Variants in LPIN1 observed in about 807,000 individuals in gnomAD.
LPIN1 encodes the protein lipin 1.
Under a neutral mutation model 107.5 loss-of-function variants are expected in LPIN1, and 71 were observed. The ratio of observed to expected loss-of-function variants is 0.66; its 90% CI spans 0.55 to 0.80. The LOEUF (loss-of-function observed/expected upper bound fraction) is 0.80, where lower values mean the gene tolerates loss of function less well. Among genes scored for constraint, LPIN1 ranks in the 30% least tolerant of loss-of-function variants. The pLI is 0.00. For missense variants in LPIN1, 1,043 were observed against 1,160.6 expected (o/e 0.90, Z 1.47); for synonymous variants, 445 against 452.6 (o/e 0.98, Z 0.21).
upstream of LPIN1, chr2:11,746,624 CGGGCT>C (rs1247279482): frequency 2.0e-6 from 2 of 985,208 alleles, no homozygotes; most frequent in African/African-American, 3.5e-5. Flanking sequence ...CAGCCGGCGG[CGGGCT>C]GGGTGTTTGC....
intron 1 of LPIN1, among the ~76,000 whole-genome samples, chr2:11,709,688 C>A (rs1663309809): frequency 6.6e-6 from 1 of 152,230 alleles, no homozygotes; most frequent in African/African-American, 2.4e-5. Flanking sequence ...TGTTACCCTG[C>A]TTTTACAAAA....
intron 17 of LPIN1, among the ~76,000 whole-genome samples, chr2:11,807,596 C>G (rs1678930399): frequency 1.3e-5 from 2 of 150,688 alleles, no homozygotes; most frequent in Non-Finnish European, 2.9e-5. Flanking sequence ...GTGTGGCTTA[C>G]TGAAGAACCC....
intron 1 of LPIN1, among the ~76,000 whole-genome samples, chr2:11,700,960 G>C (rs552389978): frequency 4.6e-5 from 7 of 152,296 alleles, no homozygotes; most frequent in African/African-American, 1.7e-4. Flanking sequence ...GGAGCCCTCA[G>C]TTCTCAGCTC....
chr2:11,771,512 C>A lies in LPIN1; in HGVS notation c.429C>A (p.Ser143Arg). ...PSTPAQVIAP[S>R]ETPSSSSVVK... The stretch of plus-strand genomic sequence containing the variant: ...CGCCAGCCCAAGTGATCGCTCCCAG[C>A]GAGACGCCGTCAAGCAGCTCTGTAG... The change falls in exon 4 of 21, where the codon AGC (serine) becomes AGA (arginine). Residue 143 changes from serine (S) to arginine (R), a missense_variant. By Grantham distance (110) the Ser-to-Arg change is moderately radical (BLOSUM62 -1). Transcript: ENST00000674199. The surrounding 1 kb of genome is among the most constrained non-coding windows in gnomAD (Gnocchi z 4.8). 1 of 1,614,100 alleles carries A rather than the reference C, an allele frequency of 6.2e-7. No individual in the cohort carries two copies. The highest frequency in any genetic ancestry group is 1.1e-5 in the South Asian group (1 of 91,052).
At chr2:11,784,619 G>A in intron 9 of LPIN1, 1 of 542,380 alleles carries the variant, frequency 1.8e-6, no homozygotes, top group Non-Finnish European at 3.3e-6. Flanking sequence ...GAAGGGCAGG[G>A]AACAGGGAGG....
At chr2:11,814,553 T>G (rs952763237) in intron 17 of LPIN1, among the ~76,000 whole-genome samples, 2 of 149,468 alleles carry the variant, frequency 1.3e-5, no homozygotes, top group Admixed American at 1.3e-4. Flanking sequence ...TGTGTGTGGT[T>G]GTTTTGGCTT....
chr2:11,715,361 A>C (rs553598179), intron 2 of LPIN1, among the ~76,000 whole-genome samples: 96 of 152,304 alleles, frequency 6.3e-4, no homozygotes, highest in African/African-American at 2.2e-3. Context: ...GGCTCCCAGC[A>C]ATACAGGGAG....
At chr2:11,768,867 C>T (rs1335599011) in intron 3 of LPIN1, among the ~76,000 whole-genome samples, 6 of 151,986 alleles carry the variant, frequency 3.9e-5, no homozygotes, top group Non-Finnish European at 7.4e-5. Flanking sequence ...ACCCGGGAGG[C>T]GGAGCTTGCA....
At chr2:11,684,737 C>G (rs1661911063) in intron 1 of LPIN1, among the ~76,000 whole-genome samples, 1 of 147,178 alleles carries the variant, frequency 6.8e-6, no homozygotes, top group South Asian at 2.3e-4. Flanking sequence ...ATCCCTCCCT[C>G]CCTCCCTCCC....
At chr2:11,764,739 C>G (rs1466617135) in intron 1 of LPIN1, among the ~76,000 whole-genome samples, 2 of 152,240 alleles carry the variant, frequency 1.3e-5, no homozygotes, top group Non-Finnish European at 1.5e-5. Context: ...CAACTAATAT[C>G]AAGTAGCTAC....
At chr2:11,807,241 G>A (rs1340235885) in intron 17 of LPIN1, among the ~76,000 whole-genome samples, 1 of 152,176 alleles carries the variant, frequency 6.6e-6, no homozygotes, top group East Asian at 1.9e-4. Context: ...CTCTCAAAAG[G>A]TTATCCCAGT....
intron 1 of LPIN1, among the ~76,000 whole-genome samples, chr2:11,684,727 A>ATCCC (rs539235121): frequency 3.9e-5 from 6 of 152,028 alleles, no homozygotes; most frequent in East Asian, 3.9e-4. Flanking sequence ...CTTTCCTTCC[A>ATCCC]TCCCTCCCTC....
intron 12 of LPIN1, among the ~76,000 whole-genome samples, chr2:11,790,093 G>C (rs1339507205): frequency 6.6e-6 from 1 of 152,100 alleles, no homozygotes; most frequent in Non-Finnish European, 1.5e-5. Context: ...ATTTTTACAA[G>C]TTTTGGAAAT....
At chr2:11,775,896 ATATAAAGTATATTATATATACTT>A (rs1430768885) in intron 5 of LPIN1, among the ~76,000 whole-genome samples, 167 bp from the exon 6 acceptor site, 9 of 147,734 alleles carry the variant, frequency 6.1e-5, no homozygotes, top group African/African-American at 2.2e-4. Flanking sequence ...TATAATCTTT[ATATAAAGTATATTATATATACTT>A]TATATAATCT....
chr2:11,770,386 A>G (rs927459144), intron 3 of LPIN1, among the ~76,000 whole-genome samples: 4 of 152,066 alleles, frequency 2.6e-5, no homozygotes, highest in Non-Finnish European at 5.9e-5. Flanking sequence ...TTGGTACTGC[A>G]TGTGCCTGTG....
chr2:11,798,433 GGA>G (rs1235871446), intron 14 of LPIN1, among the ~76,000 whole-genome samples: 1 of 152,192 alleles, frequency 6.6e-6, no homozygotes, highest in African/African-American at 2.4e-5. Context: ...CAGGACCCCA[GGA>G]GAGTGTGGAG....
chr2:11,818,147 C>G (rs150619397), intron 18 of LPIN1: 59 of 152,290 alleles, frequency 3.9e-4, no homozygotes, highest in African/African-American at 1.3e-3. Flanking sequence ...ATCGGAAGTG[C>G]TAGGCCTGGC....
intron 1 of LPIN1, among the ~76,000 whole-genome samples, chr2:11,705,221 T>C (rs1406615629): frequency 2.0e-5 from 3 of 152,066 alleles, no homozygotes; most frequent in African/African-American, 7.2e-5. Flanking sequence ...AGCTCACCCA[T>C]CCCCCAACAC....
chr2:11,750,880 C>A (rs1667689560), intron 1 of LPIN1, among the ~76,000 whole-genome samples: 1 of 152,086 alleles, frequency 6.6e-6, no homozygotes, highest in African/African-American at 2.4e-5. Flanking sequence ...GGGGGTAATA[C>A]AGAAATAAAG....
Sources: gnomAD v4.1 joint callset for allele counts (sites outside exome capture counted in the v4.1 genomes callset) on GRCh38, gnomAD v4.1.1 for gene constraint, Gnocchi (gnomAD v3.1) non-coding constraint, MANE v1.5 for transcripts, NCBI Gene and HGNC (gene_info 2026-07-23, HGNC 2026-07-21) for gene names.